ME1: variants seen among roughly 807,000 people sequenced by gnomAD.
ME1 encodes the protein NADP-dependent malic enzyme.
In ME1, 74 loss-of-function variants were observed where a neutral mutation model predicts 66.4. The ratio of observed to expected loss-of-function variants is 1.11; its 90% CI spans 0.92 to 1.35. ME1 has a LOEUF of 1.35. ME1 is among the 40% of genes most tolerant of loss of function. ME1 has a pLI of 0.00. For missense variants in ME1, 750 were observed against 694.1 expected (o/e 1.08, Z -0.90); for synonymous variants, 251 against 235.6 (o/e 1.07, Z -0.60).
At chr6:83,420,796 C>A (rs2128553415) in intron 1 of ME1, among the ~76,000 whole-genome samples, 1 of 152,258 alleles carries the variant, frequency 6.6e-6, no homozygotes, top group Non-Finnish European at 1.5e-5. Flanking sequence ...CTAAGAGCAA[C>A]TATGTTGAAA....
intron 11 of ME1, among the ~76,000 whole-genome samples, chr6:83,226,762 A>G (rs773180688): frequency 7.9e-5 from 12 of 151,042 alleles, no homozygotes; most frequent in Non-Finnish European, 5.9e-5. Flanking sequence ...ATGATATTTT[A>G]AAGTCTTTGA....
chr6:83,278,566 C>A (rs1315575923), intron 6 of ME1, among the ~76,000 whole-genome samples: 1 of 151,996 alleles, frequency 6.6e-6, no homozygotes, highest in East Asian at 1.9e-4. Flanking sequence ...CTCAGCCTCT[C>A]AACTAACTGT....
Position 83,253,652 on chromosome 6 carries a change from C to A in ME1, c.791G>T (p.Cys264Phe), listed in dbSNP as rs748642896. 1 of 1,605,642 alleles carries A rather than the reference C, an allele frequency of 6.2e-7. No homozygotes were observed. Among genetic ancestry groups the A allele is most frequent in the Non-Finnish European group, 8.5e-7 (1 of 1,173,054 alleles). The stretch of plus-strand genomic sequence containing the variant: ...ACCTTGAATATCATCATTGAATGTG[C>A]AATACTGGTTTCGATACTTGTTCAG... ...RLLNKYRNQY[C>F]TFNDDIQGTA... The change falls in exon 7 of 14, where the codon TGC becomes TTC. Residue 264 changes from cysteine to phenylalanine, a missense_variant. Cys to Phe is a radical substitution (Grantham distance 205). Transcript: ENST00000369705.
intron 5 of ME1, among the ~76,000 whole-genome samples, chr6:83,316,539 C>T (rs1562478901): frequency 6.6e-6 from 1 of 151,850 alleles, no homozygotes; most frequent in Non-Finnish European, 1.5e-5. Context: ...ACCTTCATCA[C>T]TTCTACTCTA....
At chr6:83,392,962 C>A in intron 3 of ME1, 3 of 837,390 alleles carry the variant, frequency 3.6e-6, no homozygotes, top group Non-Finnish European at 6.1e-6. Context: ...ACCCAGAAGA[C>A]TATGGATGGC....
intron 3 of ME1, among the ~76,000 whole-genome samples, chr6:83,396,274 G>T (rs927002226): frequency 6.6e-6 from 1 of 152,080 alleles, no homozygotes; most frequent in Non-Finnish European, 1.5e-5. Context: ...TGAGCCATGA[G>T]AATCACTTGA....
chr6:83,304,321 G>A (rs1767786648), intron 6 of ME1, among the ~76,000 whole-genome samples: 1 of 152,154 alleles, frequency 6.6e-6, no homozygotes, highest in Admixed American at 6.5e-5. Context: ...TTCCTGAGCT[G>A]AGAGTCAGGC....
chr6:83,407,398 T>C (rs1040614011), intron 2 of ME1, among the ~76,000 whole-genome samples: 2 of 152,190 alleles, frequency 1.3e-5, no homozygotes, highest in African/African-American at 4.8e-5. Flanking sequence ...AACTTGCAAC[T>C]GTGTTGGAAC....
At chr6:83,225,665 G>A (rs553283624) in intron 11 of ME1, among the ~76,000 whole-genome samples, 17 of 151,872 alleles carry the variant, frequency 1.1e-4, no homozygotes, top group East Asian at 7.7e-4. Context: ...CACAGAATTC[G>A]GTTTTGTTTT....
intron 6 of ME1, among the ~76,000 whole-genome samples, chr6:83,299,344 G>T (rs1380137721): frequency 6.6e-6 from 1 of 152,006 alleles, no homozygotes; most frequent in East Asian, 1.9e-4. Context: ...TGTATTCCTA[G>T]ATATTTTATT....
At chr6:83,277,816 C>T (rs1356646809) in intron 6 of ME1, among the ~76,000 whole-genome samples, 6 of 151,708 alleles carry the variant, frequency 4.0e-5, no homozygotes, top group South Asian at 2.1e-4. Context: ...GCAGGAGAAT[C>T]GCTTGAACCT....
intron 1 of ME1, among the ~76,000 whole-genome samples, chr6:83,415,736 A>C (rs1285036076): frequency 6.6e-6 from 1 of 152,224 alleles, no homozygotes; most frequent in Non-Finnish European, 1.5e-5. Context: ...TCCACTATTA[A>C]CAAGTTTTTT....
intron 1 of ME1, among the ~76,000 whole-genome samples, chr6:83,424,026 G>C (rs1454255554): frequency 6.6e-6 from 1 of 151,262 alleles, no homozygotes; most frequent in Non-Finnish European, 1.5e-5. Flanking sequence ...GAGTCTGGGA[G>C]GTCAAGGCTG....
In ME1 at chr6:83,342,264, T is replaced by C. The variant is rs567764017; in HGVS notation, c.600+3909A>G. 2.6e-4 allele frequency among the ~76,000 whole-genome samples: 39 copies of C among 152,326 alleles called. No homozygotes were observed. The South Asian group carries it at 5.8e-3, about 23-fold the overall frequency. The stretch of plus-strand genomic sequence containing the variant: ...AGGCCTGCTCCCACCCTGTGGAGTA[T>C]GCTTTCATTTTCATTAAATCTCTTC... On this transcript the variant is annotated intron_variant, in intron 5 of 13. Transcript: ENST00000369705.
intron 1 of ME1, among the ~76,000 whole-genome samples, chr6:83,426,359 T>C (rs570437584): frequency 6.6e-6 from 1 of 152,320 alleles, no homozygotes; most frequent in African/African-American, 2.4e-5. Flanking sequence ...ACACATTTTG[T>C]TATTGTGATA....
At chr6:83,378,900 G>A (rs1583408496) in intron 3 of ME1, among the ~76,000 whole-genome samples, 1 of 151,922 alleles carries the variant, frequency 6.6e-6, no homozygotes, top group East Asian at 1.9e-4. Context: ...GATTGCTTGA[G>A]GTTTTTGTTT....
At chr6:83,372,316 T>C (rs1309673615) in intron 3 of ME1, among the ~76,000 whole-genome samples, 5 of 152,162 alleles carry the variant, frequency 3.3e-5, no homozygotes, top group Admixed American at 2.6e-4. Flanking sequence ...TCTTCAAACA[T>C]TTACTCTTGG....
At chr6:83,392,338 C>A (rs1442385006) in intron 3 of ME1, 3 of 520,156 alleles carry the variant, frequency 5.8e-6, no homozygotes, top group Admixed American at 3.9e-5. Flanking sequence ...CTGCCCATGG[C>A]AAATTCCATG....
chr6:83,423,609 G>C (rs1484386593), intron 1 of ME1, among the ~76,000 whole-genome samples: 1 of 151,938 alleles, frequency 6.6e-6, no homozygotes, highest in South Asian at 2.1e-4. Context: ...CACTAGATGG[G>C]GTAACATGAT....
Sources: allele counts gnomAD v4.1 joint callset (sites outside exome capture counted in the v4.1 genomes callset), GRCh38; gene constraint gnomAD v4.1.1; transcripts MANE v1.5; gene names NCBI Gene and HGNC (gene_info 2026-07-23, HGNC 2026-07-21).